Variants in EPHA6 observed in about 807,000 individuals in gnomAD.
EPHA6 encodes ephrin type-A receptor 6.
In EPHA6, 50 loss-of-function variants were observed where a neutral mutation model predicts 112.0. The ratio of observed to expected loss-of-function variants is 0.45; its 90% CI spans 0.36 to 0.56. The LOEUF (loss-of-function observed/expected upper bound fraction) is 0.56. Ranked by LOEUF, EPHA6 falls within the 20% of genes least tolerant of loss-of-function variation. EPHA6 has a pLI of 0.00. For missense variants in EPHA6, 1,280 were observed against 1,417.4 expected, an observed-to-expected ratio of 0.90 and a Z score of 1.56; for synonymous variants, 529 against 490.7, an observed-to-expected ratio of 1.08 and a Z score of -1.03.
chr3:97,001,072 A>G (rs1447669516), intron 3 of EPHA6, among the ~76,000 whole-genome samples: 1 of 136,316 alleles, frequency 7.3e-6, no homozygotes, highest in Non-Finnish European at 1.6e-5. Flanking sequence ...GTTTCATAAA[A>G]CCAGATATAA....
At chr3:97,038,582 A>G (rs1405688361) in intron 3 of EPHA6, among the ~76,000 whole-genome samples, 5 of 152,044 alleles carry the variant, frequency 3.3e-5, no homozygotes, top group Admixed American at 3.3e-4. Flanking sequence ...GGTTGCTTCC[A>G]TATCTGATTT....
intron 2 of EPHA6, 105 bp downstream of exon 2, chr3:96,866,994 C>A: frequency 3.6e-6 from 2 of 550,948 alleles, no homozygotes; most frequent in South Asian, 3.4e-5. Flanking sequence ...TGAATTTTGA[C>A]ATATAACTTA....
chr3:97,041,996 C>A (rs917166877), intron 3 of EPHA6, among the ~76,000 whole-genome samples: 2 of 152,052 alleles, frequency 1.3e-5, no homozygotes, highest in Admixed American at 1.3e-4. Context: ...CTCAGTGAGA[C>A]AAACCTTAAT....
At position 97,494,665 on chromosome 3, in the gene EPHA6, C is replaced by A. The variant is rs564237781; in HGVS notation, c.2200+10606C>A. 4.6e-5 allele frequency among the ~76,000 whole-genome samples: 7 copies of A among 152,034 alleles called. No homozygotes were observed. In the South Asian group the frequency reaches 1.3e-3, roughly 27 times the overall value. ...TAGCCCATTCCCTTGGGAACAGTTC[C>A]AATAAATCCAGGATATTTGTGAGTA... On this transcript the variant is annotated intron_variant, in intron 10 of 17. Transcript: ENST00000389672.
At chr3:96,980,520 G>A (rs1450294659) in intron 2 of EPHA6, among the ~76,000 whole-genome samples, 1 of 152,196 alleles carries the variant, frequency 6.6e-6, no homozygotes, top group African/African-American at 2.4e-5. Context: ...GCTTAGGATT[G>A]TCTTGGCAAT....
At chr3:97,185,780 A>G (rs1238757064) in intron 3 of EPHA6, among the ~76,000 whole-genome samples, 3 of 152,154 alleles carry the variant, frequency 2.0e-5, no homozygotes, top group Non-Finnish European at 2.9e-5. Context: ...TTATTGCGGC[A>G]ATTTTCACAA....
intron 3 of EPHA6, among the ~76,000 whole-genome samples, chr3:96,990,795 G>T (rs2043186725): frequency 1.3e-5 from 2 of 151,594 alleles, no homozygotes; most frequent in African/African-American, 2.4e-5. Context: ...TGCTTTTATT[G>T]CCATCTATTC....
At chr3:97,432,625 C>T (rs1220185265) in intron 6 of EPHA6, among the ~76,000 whole-genome samples, 3 of 151,994 alleles carry the variant, frequency 2.0e-5, no homozygotes, top group Non-Finnish European at 4.4e-5. Context: ...AAGATACTAC[C>T]CAAGACTGGG....
At chr3:97,169,803 G>T (rs930580054) in intron 3 of EPHA6, among the ~76,000 whole-genome samples, 1 of 151,968 alleles carries the variant, frequency 6.6e-6, no homozygotes, top group South Asian at 2.1e-4. Flanking sequence ...AATTTGTAAA[G>T]ATTTTAACTT....
chr3:97,526,493 A>G (rs1484179065), intron 10 of EPHA6, among the ~76,000 whole-genome samples: 3 of 152,050 alleles, frequency 2.0e-5, no homozygotes, highest in East Asian at 3.9e-4. Flanking sequence ...TGGGGGGGTG[A>G]GAACCCCAAT....
chr3:97,209,297 TCACACACACACACAAA>T (rs906389825), intron 3 of EPHA6, among the ~76,000 whole-genome samples: 7 of 151,522 alleles, frequency 4.6e-5, no homozygotes, highest in African/African-American at 1.7e-4. Flanking sequence ...ATGTCTCATG[TCACACACACACACAAA>T]CACACACACA....
At chr3:97,042,381 C>T (rs2045347844) in intron 3 of EPHA6, among the ~76,000 whole-genome samples, 1 of 151,994 alleles carries the variant, frequency 6.6e-6, no homozygotes, top group South Asian at 2.1e-4. Flanking sequence ...AGCAGATGCC[C>T]AGGCTCATGC....
At chr3:97,044,631 CAA>C (rs1367418302) in intron 3 of EPHA6, among the ~76,000 whole-genome samples, 3 of 147,170 alleles carry the variant, frequency 2.0e-5, no homozygotes, top group African/African-American at 7.5e-5. Context: ...AGGGAAGGAA[CAA>C]AATAACAAAG....
chr3:97,335,153 C>T (rs1272223817), intron 5 of EPHA6, among the ~76,000 whole-genome samples: 1 of 152,150 alleles, frequency 6.6e-6, no homozygotes, highest in African/African-American at 2.4e-5. Context: ...GGTCATTAGG[C>T]TTCATGAGAT....
At chr3:97,126,714 G>T (rs2048190590) in intron 3 of EPHA6, among the ~76,000 whole-genome samples, 2 of 103,824 alleles carry the variant, frequency 1.9e-5, no homozygotes, top group Admixed American at 2.0e-4. Context: ...GCCTTCACCT[G>T]TGTTAAAAAA....
chr3:97,487,180 A>C (rs928131901), intron 10 of EPHA6, among the ~76,000 whole-genome samples: 2 of 152,224 alleles, frequency 1.3e-5, no homozygotes, highest in African/African-American at 4.8e-5. Context: ...ACTTAGATTC[A>C]CAGTTCATTT....
At chr3:97,398,917 T>G (rs2086836173) in intron 5 of EPHA6, among the ~76,000 whole-genome samples, 1 of 151,506 alleles carries the variant, frequency 6.6e-6, no homozygotes, top group South Asian at 2.1e-4. Context: ...TCAAGGTAAT[T>G]AACATATACA....
intron 3 of EPHA6, among the ~76,000 whole-genome samples, chr3:97,138,251 G>C (rs1444769910): frequency 6.6e-6 from 1 of 152,152 alleles, no homozygotes; most frequent in South Asian, 2.1e-4. Flanking sequence ...GCCACTGCTT[G>C]AACTCACACG....
chr3:97,082,051 GA>G (rs2046738800), intron 3 of EPHA6, among the ~76,000 whole-genome samples: 1 of 151,464 alleles, frequency 6.6e-6, no homozygotes, highest in Admixed American at 6.6e-5. Context: ...ATTTTTGATT[GA>G]AAAGTAAAAA....
Sources: gnomAD v4.1 joint callset for allele counts (sites outside exome capture counted in the v4.1 genomes callset) on GRCh38, gnomAD v4.1.1 for gene constraint, MANE v1.5 for transcripts, NCBI Gene and HGNC (gene_info 2026-07-23, HGNC 2026-07-21) for gene names.